CD80: variants seen among roughly 807,000 people sequenced by gnomAD.
CD80 encodes the protein CD80 molecule, also known as T-lymphocyte activation antigen CD80.
CD80 carries 13 observed loss-of-function variants against 27.1 expected under a neutral mutation model. That is an observed-to-expected ratio of 0.48 (90% CI 0.31 to 0.76). The LOEUF is 0.76. Among genes scored for constraint, CD80 ranks in the 30% least tolerant of loss-of-function variants. CD80 has a pLI of 0.04. For missense variants in CD80, 277 were observed against 347.9 expected, an observed-to-expected ratio of 0.80 and a Z score of 1.62; for synonymous variants, 125 against 125.5, an observed-to-expected ratio of 1.00 and a Z score of 0.03.
intron 2 of CD80, among the ~76,000 whole-genome samples, chr3:119,550,289 A>AT (rs11415997): frequency 0.014 from 2,073 of 152,298 alleles, 52 homozygotes; most frequent in African/African-American, 0.045. Flanking sequence ...AGAATCCAAT[A>AT]TTTCTCACTG....
At chr3:119,527,517 G>A in intron 6 of CD80, 2 of 470,962 alleles carry the variant, frequency 4.2e-6, no homozygotes, top group Non-Finnish European at 7.5e-6. Context: ...ATTCAAGATG[G>A]CAGAATGGAA....
At chr3:119,529,317 C>T (rs1181179410) in intron 5 of CD80, among the ~76,000 whole-genome samples, 1 of 152,006 alleles carries the variant, frequency 6.6e-6, no homozygotes, top group Non-Finnish European at 1.5e-5. Context: ...TGCATCTTGC[C>T]CTCCTCCAAG....
At chr3:119,546,642 A>T (rs918478502) in intron 2 of CD80, among the ~76,000 whole-genome samples, 2 of 152,222 alleles carry the variant, frequency 1.3e-5, no homozygotes, top group Non-Finnish European at 2.9e-5. Context: ...TCTCACTTAC[A>T]GAAGGCCTCC....
At chr3:119,546,939 A>G (rs192159713) in intron 2 of CD80, among the ~76,000 whole-genome samples, 3 of 152,332 alleles carry the variant, frequency 2.0e-5, no homozygotes, top group Admixed American at 6.5e-5. Context: ...TGAGCTAAAG[A>G]CAATCCATTT....
intron 4 of CD80, among the ~76,000 whole-genome samples, chr3:119,533,853 CTATG>C (rs2082122406): frequency 6.6e-6 from 1 of 152,156 alleles, no homozygotes; most frequent in Non-Finnish European, 1.5e-5. Context: ...TGTAACATTT[CTATG>C]TACTATACAC....
At chr3:119,534,928 A>C (rs528468165) in intron 4 of CD80, among the ~76,000 whole-genome samples, 9 of 152,318 alleles carry the variant, frequency 5.9e-5, no homozygotes, top group African/African-American at 2.2e-4. Context: ...ATGGTGGCTC[A>C]TGCCTGTAAT....
At chr3:119,536,927 G>A (rs2082142464) in intron 4 of CD80, among the ~76,000 whole-genome samples, 1 of 152,192 alleles carries the variant, frequency 6.6e-6, no homozygotes, top group Non-Finnish European at 1.5e-5. Flanking sequence ...GTACAGGTGT[G>A]TAGCCTCAGA....
At chr3:119,530,575 C>T (rs193081356) in intron 4 of CD80, among the ~76,000 whole-genome samples, 2 of 152,238 alleles carry the variant, frequency 1.3e-5, no homozygotes, top group East Asian at 3.9e-4. Context: ...GTTTCAGTCC[C>T]ACAGAGAGCA....
intron 4 of CD80, among the ~76,000 whole-genome samples, chr3:119,533,572 G>GT (rs2107740833): frequency 6.6e-6 from 1 of 152,240 alleles, no homozygotes; most frequent in South Asian, 2.1e-4. Context: ...CACTGTCCTT[G>GT]TGATAGTTAA....
At chr3:119,551,149 G>A (rs2082228852) in intron 2 of CD80, among the ~76,000 whole-genome samples, 1 of 152,222 alleles carries the variant, frequency 6.6e-6, no homozygotes, top group African/African-American at 2.4e-5. Flanking sequence ...TAGGTGCTCA[G>A]TAAATACTTG....
At chr3:119,536,869 A>G (rs577308853) in intron 4 of CD80, among the ~76,000 whole-genome samples, 2 of 152,330 alleles carry the variant, frequency 1.3e-5, no homozygotes, top group South Asian at 4.1e-4. Flanking sequence ...AGATACACAA[A>G]TACTTATTGT....
chr3:119,541,600 C>T (rs2082168687), intron 3 of CD80, among the ~76,000 whole-genome samples: 1 of 152,220 alleles, frequency 6.6e-6, no homozygotes, highest in Non-Finnish European at 1.5e-5. Context: ...ACAGGCATCA[C>T]CTGAGAGCTT....
At chr3:119,548,133 A>G (rs1008928551) in intron 2 of CD80, among the ~76,000 whole-genome samples, 2 of 152,124 alleles carry the variant, frequency 1.3e-5, no homozygotes, top group Non-Finnish European at 2.9e-5. Flanking sequence ...GGCGCCCGCC[A>G]TCATGCCCAG....
rs533632333 is a variant in CD80 at position 119,547,152 on chromosome 3, A to G, written c.101-2285T>C. On this transcript the variant is annotated intron_variant, in intron 2 of 6. Coordinates refer to ENST00000264246, the MANE Select transcript of CD80 (RefSeq NM_005191.4). ...TAGAGGCTCCTGGTTGTTGGTATAG[A>G]AAGAACATGGGCTTTTTTCATTCAA... Among the ~76,000 whole-genome samples the G allele has an allele frequency of 6.6e-5, 10 of 152,330 alleles. No individual in the cohort carries two copies. The South Asian group carries it at 2.1e-3, about 32-fold the overall frequency.
intron 6 of CD80, among the ~76,000 whole-genome samples, chr3:119,526,167 G>A (rs1365590192): frequency 1.3e-5 from 2 of 152,100 alleles, no homozygotes; most frequent in Admixed American, 1.3e-4. Context: ...AGGCATGGTT[G>A]CTTTTCTCAA....
rs192360920 is a variant in CD80, at chr3:119,536,260, A to C, written c.700+877T>G. ...GGCGAGACACTGTCTCAAAAAAATAAATAAATAAATAAAAAGAAAATTAGT... is the reference window on the plus strand; with the variant it reads ...GGCGAGACACTGTCTCAAAAAAATACATAAATAAATAAAAAGAAAATTAGT... On this transcript the variant is annotated intron_variant, in intron 4 of 6. Transcript: ENST00000264246. 1.4e-4 allele frequency among the ~76,000 whole-genome samples: 22 copies of C among 152,242 alleles called. No homozygotes were observed. In the East Asian group the frequency reaches 4.0e-3, roughly 28 times the overall value.
At chr3:119,531,852 T>C (rs2082113469) in intron 4 of CD80, among the ~76,000 whole-genome samples, 1 of 152,024 alleles carries the variant, frequency 6.6e-6, no homozygotes, top group Non-Finnish European at 1.5e-5. Flanking sequence ...TCAGTAGAGA[T>C]GGGGTTTCCC....
intron 2 of CD80, 58 bp downstream of exon 2, chr3:119,557,571 T>G (rs184625151): frequency 3.3e-6 from 4 of 1,206,702 alleles, no homozygotes; most frequent in Non-Finnish European, 4.8e-6. Context: ...GAGAACCCCA[T>G]GTCCTTTCTC....
Position 119,544,795 on chromosome 3 carries a change from T to A in CD80, c.173A>T (p.Glu58Val), listed in dbSNP as rs931956626. The A allele has an allele frequency of 3.7e-6, 6 of 1,614,212 alleles. No individual in the cohort carries two copies. The highest frequency in any genetic ancestry group is 5.1e-6 in the Non-Finnish European group (6 of 1,180,022). Residue 58 changes from glutamate (E) to valine (V), a missense_variant, in exon 3 of 7, where the codon GAG (glutamate) becomes GTG (valine). Glu to Val is a moderately radical substitution (Grantham distance 121, BLOSUM62 -2). Transcript: ENST00000264246. ...CCAGTAGATGCGAGTTTGTGCCAGCTCTTCAACAGAAACATTGTGACCACA... is the reference window on the plus strand; with the variant it reads ...CCAGTAGATGCGAGTTTGTGCCAGCACTTCAACAGAAACATTGTGACCACA... ...LSCGHNVSVE[E>V]LAQTRIYWQK...
Sources: gnomAD v4.1 joint callset for allele counts (sites outside exome capture counted in the v4.1 genomes callset) on GRCh38, gnomAD v4.1.1 for gene constraint, MANE v1.5 for transcripts, NCBI Gene and HGNC (gene_info 2026-07-23, HGNC 2026-07-21) for gene names.